The following KLF17 variants were observed in gnomAD, a reference collection of about 807,000 sequenced individuals.
The protein encoded by KLF17 is KLF transcription factor 17.
In KLF17, 31 loss-of-function variants were observed where a neutral mutation model predicts 34.2. The ratio of observed to expected loss-of-function variants is 0.91; its 90% CI spans 0.68 to 1.22. The LOEUF is 1.22. Among genes scored for constraint, KLF17 ranks in the 50% most tolerant of loss-of-function variants. The pLI is 0.00. For missense variants in KLF17, 478 were observed against 505.2 expected (o/e 0.95, Z 0.52); for synonymous variants, 179 against 186.7 (o/e 0.96, Z 0.34).
At chr1:44,126,069 G>A (rs1398357432) in intron 1 of KLF17, among the ~76,000 whole-genome samples, 1 of 151,540 alleles carries the variant, frequency 6.6e-6, no homozygotes, top group Non-Finnish European at 1.5e-5. Context: ...TGTCACCCAG[G>A]CTGGAGTGCA....
the KLF17 span, among the ~76,000 whole-genome samples, chr1:44,092,024 T>C: frequency 8.1e-6 from 1 of 123,138 alleles, no homozygotes; most frequent in Admixed American, 8.5e-5. Context: ...TAAAAAGAAC[T>C]ACTGCATTAA....
At chr1:44,122,348 C>T (rs1447587589) in intron 1 of KLF17, 5 of 1,607,242 alleles carry the variant, frequency 3.1e-6, no homozygotes, top group Non-Finnish European at 4.3e-6. Flanking sequence ...TCAGCGTTTC[C>T]AGCTGTACAG....
the KLF17 span, among the ~76,000 whole-genome samples, chr1:44,064,401 T>C: frequency 6.6e-6 from 1 of 152,214 alleles, no homozygotes; most frequent in Non-Finnish European, 1.5e-5. Context: ...TCTATGCAAA[T>C]CCATAGAGAA....
At chr1:44,068,733 G>C in the KLF17 span, among the ~76,000 whole-genome samples, 1 of 152,154 alleles carries the variant, frequency 6.6e-6, no homozygotes, top group African/African-American at 2.4e-5. Context: ...TCACAGGCTG[G>C]GGTTATGTTT....
the KLF17 span, among the ~76,000 whole-genome samples, chr1:44,099,612 G>A: frequency 6.6e-6 from 1 of 151,406 alleles, no homozygotes; most frequent in Non-Finnish European, 1.5e-5. Flanking sequence ...TCAGGAGTTC[G>A]AGACCAGCCT....
chr1:44,073,197 C>CTTT, the KLF17 span, among the ~76,000 whole-genome samples: 2 of 120,078 alleles, frequency 1.7e-5, no homozygotes, highest in African/African-American at 5.6e-5. Flanking sequence ...GAGGTTTCTT[C>CTTT]TTCTTCTTCT....
chr1:44,066,636 A>G, the KLF17 span, among the ~76,000 whole-genome samples: 3 of 152,292 alleles, frequency 2.0e-5, no homozygotes, highest in East Asian at 3.9e-4. Context: ...GTGTTATTGA[A>G]CAATCACATA....
chr1:44,107,775 G>A, the KLF17 span, among the ~76,000 whole-genome samples: 3 of 152,016 alleles, frequency 2.0e-5, no homozygotes, highest in South Asian at 4.2e-4. Context: ...AGTGATGCTG[G>A]TATATTGTTA....
At chr1:44,080,978 G>A in the KLF17 span, among the ~76,000 whole-genome samples, 2 of 151,890 alleles carry the variant, frequency 1.3e-5, no homozygotes, top group African/African-American at 4.8e-5. Context: ...GTCTGCCACA[G>A]TGTTGGGATT....
chr1:44,099,497 G>A, the KLF17 span, among the ~76,000 whole-genome samples: 1 of 151,874 alleles, frequency 6.6e-6, no homozygotes, highest in South Asian at 2.1e-4. Context: ...AATGAGACCT[G>A]GGCCAGGTGC....
the KLF17 span, among the ~76,000 whole-genome samples, chr1:44,092,128 A>G: frequency 2.0e-5 from 3 of 151,830 alleles, no homozygotes; most frequent in Non-Finnish European, 4.4e-5. Context: ...GGATCACCTG[A>G]GGTCGGGGGT....
At chr1:44,103,414 T>C in the KLF17 span, 1 of 777,888 alleles carries the variant, frequency 1.3e-6, no homozygotes, top group Non-Finnish European at 2.3e-6. Context: ...CTGGTGCGGC[T>C]GAAGGAGCTG....
chr1:44,076,132 G>C, the KLF17 span: 3 of 152,190 alleles, frequency 2.0e-5, no homozygotes, highest in Non-Finnish European at 4.4e-5. Flanking sequence ...TTCAGATTTA[G>C]ATGAAAGCCA....
At chr1:44,124,185 A>G (rs1295383665) in intron 1 of KLF17, among the ~76,000 whole-genome samples, 1 of 151,974 alleles carries the variant, frequency 6.6e-6, no homozygotes, top group East Asian at 1.9e-4. Flanking sequence ...GGAAAGTATT[A>G]TCCATTTACT....
At chr1:44,080,039 C>T in the KLF17 span, among the ~76,000 whole-genome samples, 1 of 151,764 alleles carries the variant, frequency 6.6e-6, no homozygotes, top group Non-Finnish European at 1.5e-5. Flanking sequence ...AGCAATTCTC[C>T]TGTCTCAGCC....
At chr1:44,131,611 C>T (rs571907026) in intron 3 of KLF17, among the ~76,000 whole-genome samples, 1 of 152,324 alleles carries the variant, frequency 6.6e-6, no homozygotes, top group East Asian at 1.9e-4. Flanking sequence ...TTTCTTCCCA[C>T]CACTTTACAG....
chr1:44,095,600 T>G, the KLF17 span, among the ~76,000 whole-genome samples: 99,691 of 151,950 alleles, frequency 0.66, 33,102 homozygotes, highest in South Asian at 0.76. Context: ...TCCGTAGATT[T>G]TTTTGGGTAG....
chr1:44,103,905 G>T, the KLF17 span: 16 of 819,280 alleles, frequency 2.0e-5, no homozygotes, highest in Non-Finnish European at 3.0e-5. Context: ...CCCAGCCAGC[G>T]CCTGCAGCTT....
At chr1:44,048,836 T>C in the KLF17 span, among the ~76,000 whole-genome samples, 1 of 152,234 alleles carries the variant, frequency 6.6e-6, no homozygotes, top group Non-Finnish European at 1.5e-5. Context: ...TTTGTTTTTA[T>C]GTGTGTACAC....
Sources: gnomAD v4.1 joint callset for allele counts (sites outside exome capture counted in the v4.1 genomes callset) on GRCh38, gnomAD v4.1.1 for gene constraint, MANE v1.5 for transcripts, NCBI Gene and HGNC (gene_info 2026-07-23, HGNC 2026-07-21) for gene names.